Variants in CDH2 observed in about 807,000 individuals in gnomAD.
The protein encoded by CDH2 is cadherin 2.
A neutral mutation model predicts 92.0 loss-of-function variants in CDH2; 17 were observed. The ratio of observed to expected loss-of-function variants is 0.18; its 90% CI spans 0.13 to 0.28. CDH2 has a LOEUF of 0.28. Ranked by LOEUF, CDH2 falls within the 10% of genes least tolerant of loss-of-function variation. CDH2 has a pLI of 1.00. For synonymous variants in CDH2, 419 were observed against 415.9 expected (o/e 1.01, Z -0.09); for missense variants, 862 against 1,133.1 (o/e 0.76, Z 3.44).
At chr18:27,952,788 T>A (rs1351696454) in intron 15 of CDH2, among the ~76,000 whole-genome samples, 1 of 152,200 alleles carries the variant, frequency 6.6e-6, no homozygotes. Flanking sequence ...ATGTGGTCCA[T>A]GTCCCTCCAC....
intron 1 of CDH2, 134 bp downstream of exon 1, chr18:28,176,829 G>A (rs1317507431): frequency 6.6e-6 from 2 of 304,370 alleles, no homozygotes; most frequent in African/African-American, 2.3e-5. Flanking sequence ...CGGCCGCGCG[G>A]CGCGGCGCGG....
At chr18:28,014,989 T>C (rs1316528225) in intron 2 of CDH2, among the ~76,000 whole-genome samples, 1 of 152,216 alleles carries the variant, frequency 6.6e-6, no homozygotes, top group Non-Finnish European at 1.5e-5. Flanking sequence ...CGTCTGATGT[T>C]ATGTTCTGGC....
rs1315829375 is a variant in CDH2, at chr18:28,011,967, A to G, written c.425T>C (p.Val142Ala). ...VKESAEVEEIVFPRQFSKHSG... is the reference protein window; with the variant it reads ...VKESAEVEEIAFPRQFSKHSG... The stretch of plus-strand genomic sequence containing the variant: ...GTGCTTACTGAATTGTCTTGGGAAC[A>G]CTATTTCTTCAACTTCTGCTGACTC... The change falls in exon 4 of 16, where the codon GTG becomes GCG. Residue 142 changes from valine (V) to alanine (A), a missense_variant. Val to Ala is a moderately conservative substitution (Grantham distance 64, BLOSUM62 0). This residue lies in a region of CDH2 where 159 missense variants were observed against 177.2 expected (regional missense o/e 0.90). Coordinates refer to ENST00000269141, the MANE Select transcript of CDH2 (RefSeq NM_001792.5). The G allele has an allele frequency of 6.2e-7, 1 of 1,613,694 alleles. No individual in the cohort carries two copies. Among genetic ancestry groups the G allele is most frequent in the Admixed American group, 1.7e-5 (1 of 59,980 alleles).
At chr18:28,012,509 T>A (rs1567963647) in intron 3 of CDH2, among the ~76,000 whole-genome samples, 1 of 152,192 alleles carries the variant, frequency 6.6e-6, no homozygotes, top group Non-Finnish European at 1.5e-5. Flanking sequence ...CCATGATGGA[T>A]GCTGCAGATG....
At chr18:28,067,547 T>C (rs889328045) in intron 2 of CDH2, among the ~76,000 whole-genome samples, 2 of 152,240 alleles carry the variant, frequency 1.3e-5, no homozygotes, top group Non-Finnish European at 2.9e-5. Context: ...ATCCATGTAG[T>C]AGATGTATCA....
intron 2 of CDH2, among the ~76,000 whole-genome samples, chr18:28,088,122 G>A (rs1196285661): frequency 6.6e-6 from 1 of 152,170 alleles, no homozygotes; most frequent in Non-Finnish European, 1.5e-5. Flanking sequence ...GATTAATCAG[G>A]CTTAATGGGT....
chr18:28,051,155 A>G (rs1373046012), intron 2 of CDH2, among the ~76,000 whole-genome samples: 1 of 152,194 alleles, frequency 6.6e-6, no homozygotes, highest in Non-Finnish European at 1.5e-5. Context: ...AAATCCTTCC[A>G]GGTATTATAT....
chr18:27,994,535 A>G (rs2012521953), intron 7 of CDH2, among the ~76,000 whole-genome samples: 1 of 152,248 alleles, frequency 6.6e-6, no homozygotes, highest in African/African-American at 2.4e-5. Flanking sequence ...ACTTTAAACA[A>G]TATCTAAAAT....
At chr18:28,140,774 A>G (rs913001157) in intron 2 of CDH2, among the ~76,000 whole-genome samples, 3 of 151,420 alleles carry the variant, frequency 2.0e-5, no homozygotes, top group African/African-American at 7.3e-5. Context: ...TGTAAATCAT[A>G]TATCTGACAA....
intron 10 of CDH2, 36 bp from the exon 11 acceptor site, chr18:27,988,702 G>A (rs200225397): frequency 2.1e-5 from 31 of 1,492,006 alleles, no homozygotes; most frequent in African/African-American, 1.8e-4. Flanking sequence ...TTCTTTTTAT[G>A]AAACTTTAAA....
intron 1 of CDH2, among the ~76,000 whole-genome samples, chr18:28,170,271 T>C (rs1441850143): frequency 6.6e-6 from 1 of 152,222 alleles, no homozygotes; most frequent in Non-Finnish European, 1.5e-5. Context: ...ATAGCTTATA[T>C]TGTGGTCTGT....
At position 27,961,368 on chromosome 18, in the gene CDH2, C is replaced by T. The variant is rs539434422; in HGVS notation, c.2514+1989G>A. Among the ~76,000 whole-genome samples, 3 of 151,558 alleles carry T rather than the reference C, an allele frequency of 2.0e-5. No homozygotes were observed. The South Asian group carries it at 6.3e-4, about 32-fold the overall frequency. On this transcript the variant is annotated intron_variant, in intron 15 of 15. Coordinates refer to ENST00000269141, the MANE Select transcript of CDH2 (RefSeq NM_001792.5). The stretch of plus-strand genomic sequence containing the variant: ...GAGAAAGAAATACTGACAGTTACAC[C>T]CCAGCTGGTGAGGGCTATGACCCGA...
intron 2 of CDH2, among the ~76,000 whole-genome samples, chr18:28,118,000 G>C (rs1231495207): frequency 6.6e-6 from 1 of 151,898 alleles, no homozygotes; most frequent in Non-Finnish European, 1.5e-5. Flanking sequence ...AAAAATAAAA[G>C]CAAAGAGCAG....
At chr18:27,977,613 T>C (rs981951148) in intron 14 of CDH2, among the ~76,000 whole-genome samples, 1 of 152,104 alleles carries the variant, frequency 6.6e-6, no homozygotes, top group Non-Finnish European at 1.5e-5. Context: ...GCTAATTTTC[T>C]GGAGACTGCT....
Position 28,176,884 on chromosome 18 carries a change from A to G in CDH2, c.60+79T>C, listed in dbSNP as rs1372053765. The G allele has an allele frequency of 1.9e-5, 15 of 781,022 alleles. No homozygotes were observed. The East Asian group carries it at 8.3e-4, about 43-fold the overall frequency. The allele number at this position is 781,022 out of a possible 1,614,324, so 48.4% of individuals were successfully genotyped here. A position where few individuals can be genotyped will look rare whatever the true frequency, so the allele number is the denominator to read the frequency against. On this transcript the variant is annotated intron_variant, in intron 1 of 15. Coordinates refer to ENST00000269141, the MANE Select transcript of CDH2 (RefSeq NM_001792.5). ...TCCCGGGTGCGCAGCCCGGCCCCGC[A>G]GCGGCGCGGGGAACAAAGGGACCCG... is the stretch of plus-strand genomic sequence containing the variant.
At chr18:27,959,108 A>T (rs1458349968) in intron 15 of CDH2, among the ~76,000 whole-genome samples, 1 of 152,126 alleles carries the variant, frequency 6.6e-6, no homozygotes, top group African/African-American at 2.4e-5. Context: ...GTATTAGTAA[A>T]ATTATTGGAG....
intron 1 of CDH2, among the ~76,000 whole-genome samples, chr18:28,159,667 T>G (rs1442133774): frequency 2.0e-5 from 3 of 151,638 alleles, no homozygotes; most frequent in Non-Finnish European, 4.4e-5. Flanking sequence ...TGTTTTTTTT[T>G]TTTTTTTGAA....
At chr18:28,143,287 T>C (rs2015983355) in intron 2 of CDH2, among the ~76,000 whole-genome samples, 2 of 152,076 alleles carry the variant, frequency 1.3e-5, no homozygotes, top group Admixed American at 6.6e-5. Flanking sequence ...CTCTCTGCAA[T>C]GTCACAGTGT....
intron 9 of CDH2, 77 bp downstream of exon 9, chr18:27,992,578 A>G (rs946870569): frequency 1.6e-6 from 2 of 1,240,458 alleles, no homozygotes; most frequent in African/African-American, 3.0e-5. Flanking sequence ...TTTCCATTGC[A>G]AAACAATGAG....
Sources: allele counts gnomAD v4.1 joint callset (sites outside exome capture counted in the v4.1 genomes callset), GRCh38; gene constraint gnomAD v4.1.1; regional missense constraint gnomAD v4.1.1; transcripts MANE v1.5; gene names NCBI Gene and HGNC (gene_info 2026-07-23, HGNC 2026-07-21).